NEGR1: variants seen among roughly 807,000 people sequenced by gnomAD.
NEGR1 encodes neuronal growth regulator 1.
In NEGR1, 10 loss-of-function variants were observed where a neutral mutation model predicts 40.9. The ratio of observed to expected loss-of-function variants is 0.24; its 90% CI spans 0.15 to 0.42. The LOEUF (loss-of-function observed/expected upper bound fraction) is 0.42. NEGR1 is among the 10% of genes least tolerant of loss of function. The probability of loss-of-function intolerance (pLI) is 1.00; values close to 1 mark genes in which losing one functional copy is unlikely to be tolerated. For missense variants in NEGR1, 352 were observed against 438.9 expected, an observed-to-expected ratio of 0.80 and a Z score of 1.77; for synonymous variants, 185 against 166.8, an observed-to-expected ratio of 1.11 and a Z score of -0.84.
chr1:72,072,152 G>A (rs111899500), intron 1 of NEGR1, among the ~76,000 whole-genome samples: 2,118 of 152,084 alleles, frequency 0.014, 48 homozygotes, highest in African/African-American at 0.048. Context: ...TAGTTATAAG[G>A]ATCCCTAATA....
chr1:71,565,691 A>G (rs941873803), intron 6 of NEGR1, among the ~76,000 whole-genome samples: 17 of 152,192 alleles, frequency 1.1e-4, no homozygotes, highest in African/African-American at 3.9e-4. Context: ...GGCACATGAA[A>G]TAAATATGAT....
chr1:71,748,716 T>C (rs1208588520), intron 3 of NEGR1, among the ~76,000 whole-genome samples: 1 of 152,146 alleles, frequency 6.6e-6, no homozygotes, highest in African/African-American at 2.4e-5. Context: ...ACCTAAGGAC[T>C]ATTCGGTGCT....
chr1:71,669,654 C>T lies in NEGR1; in HGVS notation c.667+28354G>A, dbSNP rs181394409. 3.9e-4 allele frequency among the ~76,000 whole-genome samples: 58 copies of T among 150,586 alleles called. No individual in the cohort carries two copies. The Middle Eastern group carries it at 0.017, about 44-fold the overall frequency. On this transcript the variant is annotated intron_variant, in intron 4 of 6. Transcript: ENST00000357731. The stretch of plus-strand genomic sequence containing the variant: ...ATTGCCACCATATATTTTAATGCTA[C>T]GTAACTTTTTTTTTTGAGATGGAGT...
chr1:72,103,466 T>C (rs907772229), intron 1 of NEGR1, among the ~76,000 whole-genome samples: 1 of 152,128 alleles, frequency 6.6e-6, no homozygotes, highest in African/African-American at 2.4e-5. Context: ...AAGGAAAATC[T>C]TCCCCTGCTA....
At chr1:71,852,753 G>T (rs1403484123) in intron 2 of NEGR1, among the ~76,000 whole-genome samples, 1 of 150,694 alleles carries the variant, frequency 6.6e-6, no homozygotes, top group Non-Finnish European at 1.5e-5. Context: ...ATACAGATGA[G>T]AGGTAAGTAG....
intron 2 of NEGR1, among the ~76,000 whole-genome samples, chr1:71,880,548 C>T (rs1301390855): frequency 6.6e-6 from 1 of 151,894 alleles, no homozygotes; most frequent in Non-Finnish European, 1.5e-5. Context: ...TTTTTGGAAA[C>T]ATTTATTTTT....
At chr1:71,681,857 C>T (rs1193910185) in intron 4 of NEGR1, among the ~76,000 whole-genome samples, 1 of 152,118 alleles carries the variant, frequency 6.6e-6, no homozygotes, top group African/African-American at 2.4e-5. Flanking sequence ...GGCAGAGTCT[C>T]GCTCTGTCAC....
chr1:71,886,149 C>A (rs548207845), intron 2 of NEGR1, among the ~76,000 whole-genome samples: 1 of 152,192 alleles, frequency 6.6e-6, no homozygotes, highest in African/African-American at 2.4e-5. Context: ...CACAAAGGAA[C>A]AAAAGGTGTT....
intron 4 of NEGR1, among the ~76,000 whole-genome samples, chr1:71,670,784 G>A (rs1652396177): frequency 6.6e-6 from 1 of 151,610 alleles, no homozygotes; most frequent in Non-Finnish European, 1.5e-5. Flanking sequence ...GTTTTTTTCT[G>A]GCCCATAGAT....
intron 1 of NEGR1, among the ~76,000 whole-genome samples, chr1:71,958,864 A>C (rs1027695827): frequency 6.6e-6 from 1 of 151,030 alleles, no homozygotes; most frequent in African/African-American, 2.4e-5. Flanking sequence ...CTGAGGCAGG[A>C]GAATCGCTTG....
intron 6 of NEGR1, among the ~76,000 whole-genome samples, chr1:71,492,143 A>T (rs1646934122): frequency 6.6e-6 from 1 of 152,116 alleles, no homozygotes; most frequent in Admixed American, 6.6e-5. Context: ...TTTATTATTT[A>T]TAAATCACCT....
At chr1:72,106,007 T>C (rs1649120997) in intron 1 of NEGR1, among the ~76,000 whole-genome samples, 1 of 152,086 alleles carries the variant, frequency 6.6e-6, no homozygotes, top group South Asian at 2.1e-4. Context: ...GACTTTGCCC[T>C]AGAATAAGTA....
chr1:72,164,985 T>A (rs1298989309), intron 1 of NEGR1, among the ~76,000 whole-genome samples: 2 of 151,652 alleles, frequency 1.3e-5, no homozygotes, highest in Non-Finnish European at 2.9e-5. Flanking sequence ...CCCTTGATAA[T>A]TTTTTTTTCA....
intron 1 of NEGR1, among the ~76,000 whole-genome samples, chr1:71,956,998 G>A (rs955145251): frequency 6.6e-6 from 1 of 152,088 alleles, no homozygotes; most frequent in African/African-American, 2.4e-5. Flanking sequence ...ATTAAAATGA[G>A]CACATTTCCT....
chr1:71,869,692 A>C (rs1660220892), intron 2 of NEGR1, among the ~76,000 whole-genome samples: 1 of 152,182 alleles, frequency 6.6e-6, no homozygotes, highest in African/African-American at 2.4e-5. Context: ...AGTAACAATC[A>C]TATGGAGTAT....
At chr1:71,849,642 G>C (rs1165169039) in intron 2 of NEGR1, among the ~76,000 whole-genome samples, 2 of 152,046 alleles carry the variant, frequency 1.3e-5, no homozygotes, top group Non-Finnish European at 2.9e-5. Context: ...ATACTATAGA[G>C]AAATATGTTG....
At chr1:71,873,543 CA>C (rs1334798237) in intron 2 of NEGR1, among the ~76,000 whole-genome samples, 1 of 152,064 alleles carries the variant, frequency 6.6e-6, no homozygotes, top group Non-Finnish European at 1.5e-5. Flanking sequence ...TAATTCATAG[CA>C]TTATTATACA....
At chr1:71,885,582 G>A (rs112083084) in intron 2 of NEGR1, among the ~76,000 whole-genome samples, 2 of 152,236 alleles carry the variant, frequency 1.3e-5, no homozygotes, top group African/African-American at 4.8e-5. Flanking sequence ...TAAAAAACAC[G>A]AAGTGTATAC....
chr1:72,088,094 T>C (rs1471681888), intron 1 of NEGR1, among the ~76,000 whole-genome samples: 1 of 152,246 alleles, frequency 6.6e-6, no homozygotes, highest in Non-Finnish European at 1.5e-5. Context: ...AACTGTTTTA[T>C]GTAACAGATT....
Sources: allele counts gnomAD v4.1 joint callset (sites outside exome capture counted in the v4.1 genomes callset), GRCh38; gene constraint gnomAD v4.1.1; transcripts MANE v1.5; gene names NCBI Gene and HGNC (gene_info 2026-07-23, HGNC 2026-07-21).